The following FARP1 variants were observed in gnomAD, a reference collection of about 807,000 sequenced individuals.
FARP1 encodes the protein FERM, ARH/RhoGEF and pleckstrin domain protein 1.
A neutral mutation model predicts 128.8 loss-of-function variants in FARP1; 52 were observed. The observed-to-expected ratio is 0.40, with a 90% CI of 0.32 to 0.51. The LOEUF (loss-of-function observed/expected upper bound fraction) is 0.51, where lower values mean the gene tolerates loss of function less well. FARP1 is among the 20% of genes least tolerant of loss of function. The pLI is 0.45. For missense variants in FARP1, 1,333 were observed against 1,367.9 expected, an observed-to-expected ratio of 0.97 and a Z score of 0.40; for synonymous variants, 580 against 551.8, an observed-to-expected ratio of 1.05 and a Z score of -0.72.
intron 5 of FARP1, among the ~76,000 whole-genome samples, chr13:98,372,480 C>T (rs113485163): frequency 1.3e-3 from 196 of 152,176 alleles, no homozygotes; most frequent in African/African-American, 4.1e-3. Context: ...CTGGGCATCC[C>T]GTCTTCAGTT....
rs193282856 is a variant in FARP1, at chr13:98,453,047, C to T, written c.*4730C>T. The T allele has an allele frequency of 4.5e-3, 4,776 of 1,067,304 alleles. 22 individuals carry two copies. The highest frequency in any genetic ancestry group is 6.2e-3 in the Non-Finnish European group (4,518 of 724,784). The allele number at this position is 1,067,304 out of a possible 1,614,324, so 66.1% of individuals were successfully genotyped here. A position where few individuals can be genotyped will look rare whatever the true frequency, so the allele number is the denominator to read the frequency against. On this transcript the variant is annotated 3_prime_UTR_variant, in exon 27 of 27. Coordinates refer to ENST00000319562, the MANE Select transcript of FARP1 (RefSeq NM_005766.4). ...TGTGTGTCCCTGGACGGGCGCCTGG[C>T]GCTGGGGTGGCTCCCAGTGGCGCAC...
chr13:98,167,472 C>T (rs1168734763), intron 1 of FARP1, among the ~76,000 whole-genome samples: 3 of 147,794 alleles, frequency 2.0e-5, no homozygotes, highest in Non-Finnish European at 3.0e-5. Context: ...TGCAGTGGCG[C>T]GATCTCAGCT....
intron 2 of FARP1, among the ~76,000 whole-genome samples, chr13:98,216,872 C>T (rs1881091151): frequency 6.6e-6 from 1 of 152,180 alleles, no homozygotes; most frequent in Admixed American, 6.5e-5. Context: ...ATAGTAAATT[C>T]TTGCATGGTG....
At chr13:98,150,133 G>C (rs1293022668) in intron 1 of FARP1, among the ~76,000 whole-genome samples, 3 of 151,882 alleles carry the variant, frequency 2.0e-5, no homozygotes, top group Non-Finnish European at 2.9e-5. Context: ...CTGCCTCCCA[G>C]GTTCAAGTGA....
At position 98,244,701 on chromosome 13, in the gene FARP1, C is replaced by CT. The variant is rs1882967167; in HGVS notation, c.171+31294dup. 3 of 1,613,180 alleles carry CT rather than the reference C, an allele frequency of 1.9e-6. No individual in the cohort carries two copies. In the African/African-American group the frequency reaches 4.0e-5, roughly 22 times the overall value. On this transcript the variant is annotated intron_variant, in intron 2 of 26. Coordinates refer to ENST00000319562, the MANE Select transcript of FARP1 (RefSeq NM_005766.4). ...CACAGTCACTGAAGAGCTTCTTAAT[C>CT]TTTTTTGAGTCAGGACTTGAAGTCC...
At chr13:98,404,767 A>G (rs1323574497) in intron 13 of FARP1, 1 of 152,234 alleles carries the variant, frequency 6.6e-6, no homozygotes, top group Admixed American at 6.5e-5. Context: ...AAGAAAAAGC[A>G]TAGAAACTTT....
At chr13:98,169,696 T>C (rs558462112) in intron 1 of FARP1, among the ~76,000 whole-genome samples, 1 of 152,356 alleles carries the variant, frequency 6.6e-6, no homozygotes, top group Non-Finnish European at 1.5e-5. Flanking sequence ...TCTAACATAT[T>C]TTGGATATGA....
intron 2 of FARP1, among the ~76,000 whole-genome samples, chr13:98,253,132 G>C (rs1029937120): frequency 1.1e-4 from 16 of 152,232 alleles, no homozygotes; most frequent in Non-Finnish European, 2.4e-4. Context: ...TTCAAGCCAA[G>C]TTTGTCCAGC....
At position 98,389,833 on chromosome 13, in the gene FARP1, A is replaced by G. The variant is rs1890238836; in HGVS notation, c.856-124A>G. 3.5e-6 allele frequency: 3 copies of G among 861,862 alleles called. No homozygotes were observed. The Admixed American group carries it at 7.3e-5, about 21-fold the overall frequency. The allele number at this position is 861,862 out of a possible 1,614,324, so 53.4% of individuals were successfully genotyped here. A position where few individuals can be genotyped will look rare whatever the true frequency, so the allele number is the denominator to read the frequency against. ...TTAGTAAGTCTTTGCACTGATGGTC[A>G]TGCTATAATAAAATACACAGCGAAA... On this transcript the variant is annotated intron_variant, in intron 9 of 26. Transcript: ENST00000319562.
At chr13:98,270,278 C>G (rs930128057) in intron 2 of FARP1, among the ~76,000 whole-genome samples, 8 of 152,056 alleles carry the variant, frequency 5.3e-5, no homozygotes, top group Non-Finnish European at 1.0e-4. Flanking sequence ...TCCTTGGTCT[C>G]TATGACAGTT....
intron 26 of FARP1, 72 bp downstream of exon 26, chr13:98,446,889 C>G: frequency 6.5e-7 from 1 of 1,540,822 alleles, no homozygotes; most frequent in African/African-American, 1.4e-5. Context: ...GGATTTCTCC[C>G]AAGTCAGCGA....
chr13:98,377,675 GT>G, intron 5 of FARP1, 145 bp from the exon 6 acceptor site: 1 of 620,554 alleles, frequency 1.6e-6, no homozygotes. Context: ...TTACACTGCA[GT>G]GAATGGCAGC....
chr13:98,147,256 C>T (rs1875641218), intron 1 of FARP1, among the ~76,000 whole-genome samples: 2 of 152,128 alleles, frequency 1.3e-5, no homozygotes, highest in Non-Finnish European at 1.5e-5. Flanking sequence ...ACTAATCCGG[C>T]GAGACTGAAA....
At chr13:98,412,098 C>T (rs891056010) in intron 16 of FARP1, 64 bp downstream of exon 16, 18 of 1,527,532 alleles carry the variant, frequency 1.2e-5, no homozygotes, top group Middle Eastern at 1.7e-4. Flanking sequence ...ATTTTTATGT[C>T]GTCCCTGGGT....
chr13:98,372,441 T>C (rs970294281), intron 5 of FARP1, among the ~76,000 whole-genome samples: 6 of 152,106 alleles, frequency 3.9e-5, no homozygotes, highest in Non-Finnish European at 8.8e-5. Context: ...TGTGCCATGT[T>C]TAGCCACCCT....
chr13:98,304,592 G>A (rs1566854373), intron 2 of FARP1, among the ~76,000 whole-genome samples: 1 of 152,186 alleles, frequency 6.6e-6, no homozygotes, highest in Non-Finnish European at 1.5e-5. Flanking sequence ...CTACCCATTC[G>A]ATGGGCACAG....
intron 2 of FARP1, among the ~76,000 whole-genome samples, chr13:98,226,403 C>A (rs1881770571): frequency 6.6e-6 from 1 of 152,070 alleles, no homozygotes; most frequent in Non-Finnish European, 1.5e-5. Flanking sequence ...GACTTCATTG[C>A]AACTTGATCA....
intron 2 of FARP1, chr13:98,244,861 C>T (rs1249752476): frequency 3.7e-5 from 53 of 1,444,032 alleles, no homozygotes; most frequent in East Asian, 2.2e-4. Flanking sequence ...ATCTCAGATA[C>T]GTGAAGCTGC....
intron 1 of FARP1, among the ~76,000 whole-genome samples, chr13:98,194,562 A>G (rs1193239228): frequency 6.6e-6 from 1 of 152,228 alleles, no homozygotes; most frequent in Non-Finnish European, 1.5e-5. Context: ...AAAAATTGCA[A>G]CCTCAGGCAT....
Sources: allele counts gnomAD v4.1 joint callset (sites outside exome capture counted in the v4.1 genomes callset), GRCh38; gene constraint gnomAD v4.1.1; transcripts MANE v1.5; gene names NCBI Gene and HGNC (gene_info 2026-07-23, HGNC 2026-07-21).